The following GLI3 variants were observed in gnomAD, a reference collection of about 807,000 sequenced individuals.
GLI3 encodes the protein transcription activator GLI3.
In GLI3, 20 loss-of-function variants were observed where a neutral mutation model predicts 100.8. The observed-to-expected ratio is 0.20, with a 90% CI of 0.14 to 0.29. The LOEUF (loss-of-function observed/expected upper bound fraction) is 0.29. Among genes scored for constraint, GLI3 ranks in the 10% least tolerant of loss-of-function variants. GLI3 has a pLI of 1.00. For synonymous variants in GLI3, 938 were observed against 860.5 expected (o/e 1.09, Z -1.58); for missense variants, 2,040 against 2,128.5 (o/e 0.96, Z 0.82).
At chr7:42,009,343 C>T (rs551983243) in intron 10 of GLI3, among the ~76,000 whole-genome samples, 4 of 152,082 alleles carry the variant, frequency 2.6e-5, no homozygotes, top group Non-Finnish European at 5.9e-5. Flanking sequence ...CAGGACAACA[C>T]GTTTATGATA....
chr7:42,260,135 T>A (rs1224996693), intron 1 of GLI3, among the ~76,000 whole-genome samples: 1 of 152,200 alleles, frequency 6.6e-6, no homozygotes, highest in African/African-American at 2.4e-5. Flanking sequence ...TTCAATTTTG[T>A]AGCAAATCAC....
At chr7:41,967,177 G>A (rs1787208493) in intron 14 of GLI3, among the ~76,000 whole-genome samples, 1 of 152,216 alleles carries the variant, frequency 6.6e-6, no homozygotes, top group African/African-American at 2.4e-5. Flanking sequence ...TCTCAGAAGT[G>A]CAAACTGACC....
chr7:41,965,559 G>C lies in GLI3; in HGVS notation c.3514C>G (p.Leu1172Val). The C allele has an allele frequency of 6.2e-7, 1 of 1,605,406 alleles. No individual in the cohort carries two copies. Among genetic ancestry groups the C allele is most frequent in the Non-Finnish European group, 8.5e-7 (1 of 1,173,106 alleles). The change falls in exon 15 of 15, where the codon CTG becomes GTG. Residue 1172 changes from leucine to valine, a missense_variant. Around this residue, in one of 5 missense-constraint regions of GLI3, gnomAD observed 1,041 missense variants for 924.0 expected, o/e 1.13. Transcript: ENST00000395925. ...WNEVSSGSAD[L>V]SSSKLKCGPR... is the part of the protein sequence containing the mutation. ...CCACACTTGAGCTTGGAGGAGGACA[G>C]GTCGGCGCTTCCGGAGCTGACTTCG... is the stretch of plus-strand genomic sequence containing the variant.
chr7:42,263,681 A>G (rs531478044), intron 1 of GLI3, among the ~76,000 whole-genome samples: 7 of 152,014 alleles, frequency 4.6e-5, no homozygotes, highest in Non-Finnish European at 7.4e-5. Context: ...CTCCTGACTT[A>G]AAGTGATCTG....
At chr7:42,210,349 CCCCCCAAGTTAA>C (rs1788246019) in intron 2 of GLI3, among the ~76,000 whole-genome samples, 2 of 136,728 alleles carry the variant, frequency 1.5e-5, no homozygotes, top group Admixed American at 7.2e-5. Context: ...CCCCCCCCCC[CCCCCCAAGTTAA>C]AATAAGGTAC....
intron 10 of GLI3, among the ~76,000 whole-genome samples, chr7:41,990,750 A>T (rs1787962381): frequency 6.6e-6 from 1 of 152,166 alleles, no homozygotes; most frequent in African/African-American, 2.4e-5. Context: ...TCCAAACTAC[A>T]TCCACGGTCA....
intron 4 of GLI3, among the ~76,000 whole-genome samples, chr7:42,050,097 T>G (rs972786561): frequency 6.6e-6 from 1 of 152,122 alleles, no homozygotes; most frequent in Non-Finnish European, 1.5e-5. Context: ...TTTCTCTCAG[T>G]AGAAAATGAA....
At chr7:42,136,986 C>T (rs910152061) in intron 3 of GLI3, among the ~76,000 whole-genome samples, 1 of 152,192 alleles carries the variant, frequency 6.6e-6, no homozygotes, top group African/African-American at 2.4e-5. Flanking sequence ...GTTCTGGAGC[C>T]AATAAACCGG....
intron 2 of GLI3, among the ~76,000 whole-genome samples, chr7:42,202,066 G>C (rs566403216): frequency 2.3e-4 from 28 of 123,280 alleles, no homozygotes; most frequent in African/African-American, 8.3e-4. Flanking sequence ...TGGAGACAGA[G>C]CAAGACTCCG....
intron 7 of GLI3, among the ~76,000 whole-genome samples, chr7:42,031,284 A>G (rs1789289199): frequency 6.6e-6 from 1 of 152,256 alleles, no homozygotes; most frequent in African/African-American, 2.4e-5. Context: ...TTAAGACAAT[A>G]ACAACAAACA....
At chr7:42,209,819 TC>T (rs1225304915) in intron 2 of GLI3, among the ~76,000 whole-genome samples, 3 of 113,088 alleles carry the variant, frequency 2.7e-5, no homozygotes, top group Admixed American at 9.5e-5. Context: ...AGGTTCTCTC[TC>T]TTTTTTTTTT....
At chr7:42,144,336 C>A (rs73327512) in intron 3 of GLI3, among the ~76,000 whole-genome samples, 3,066 of 152,160 alleles carry the variant, frequency 0.02, 110 homozygotes, top group African/African-American at 0.07. Flanking sequence ...AATTATAAAG[C>A]GCCAGTGATC....
intron 9 of GLI3, among the ~76,000 whole-genome samples, chr7:42,024,161 T>C (rs1019851964): frequency 6.6e-6 from 1 of 152,224 alleles, no homozygotes; most frequent in Non-Finnish European, 1.5e-5. Context: ...ATAGGGATAA[T>C]GCCCTCTCGA....
At chr7:42,034,590 T>C (rs771707952) in intron 7 of GLI3, among the ~76,000 whole-genome samples, 1 of 152,064 alleles carries the variant, frequency 6.6e-6, no homozygotes, top group Non-Finnish European at 1.5e-5. Context: ...CTGCTGACAG[T>C]TCCCCCAATG....
chr7:42,238,058 G>A (rs1372029114), upstream of GLI3, among the ~76,000 whole-genome samples: 2 of 118,438 alleles, frequency 1.7e-5, no homozygotes, highest in East Asian at 2.6e-4. Flanking sequence ...GCCCCTCCCC[G>A]GTCTTCACAC....
intron 3 of GLI3, among the ~76,000 whole-genome samples, chr7:42,115,797 T>C (rs912153163): frequency 2.6e-5 from 4 of 152,198 alleles, no homozygotes; most frequent in African/African-American, 9.7e-5. Flanking sequence ...CGTGATTTCT[T>C]ATCCCCTCTG....
At chr7:42,189,115 T>C (rs985935875) in intron 2 of GLI3, among the ~76,000 whole-genome samples, 6 of 152,116 alleles carry the variant, frequency 3.9e-5, no homozygotes, top group Admixed American at 2.6e-4. Context: ...ATATAAGAAA[T>C]GTCTGTATCT....
At chr7:42,081,188 A>G (rs1336945885) in intron 3 of GLI3, among the ~76,000 whole-genome samples, 4 of 152,140 alleles carry the variant, frequency 2.6e-5, no homozygotes, top group Non-Finnish European at 5.9e-5. Flanking sequence ...AATGGAAGAC[A>G]GGGAGAATAA....
intron 12 of GLI3, among the ~76,000 whole-genome samples, chr7:41,975,941 A>T (rs80225546): frequency 0.034 from 5,192 of 152,324 alleles, 104 homozygotes; most frequent in Non-Finnish European, 0.053. Flanking sequence ...TTTTAAATTG[A>T]AATATAATTC....
Sources: allele counts gnomAD v4.1 joint callset (sites outside exome capture counted in the v4.1 genomes callset), GRCh38; gene constraint gnomAD v4.1.1; regional missense constraint gnomAD v4.1.1; transcripts MANE v1.5; gene names NCBI Gene and HGNC (gene_info 2026-07-23, HGNC 2026-07-21).